Variants in PCDHA5 observed in about 807,000 individuals in gnomAD.
PCDHA5 encodes protocadherin alpha-5.
A neutral mutation model predicts 61.6 loss-of-function variants in PCDHA5; 43 were observed. That is an observed-to-expected ratio of 0.70 (90% CI 0.55 to 0.90). The LOEUF (loss-of-function observed/expected upper bound fraction) is 0.90. Among genes scored for constraint, PCDHA5 ranks in the 40% least tolerant of loss-of-function variants. The pLI is 0.00. For synonymous variants in PCDHA5, 627 were observed against 543.9 expected (o/e 1.15, Z -2.13); for missense variants, 1,298 against 1,222.7 (o/e 1.06, Z -0.92).
intron 1 of PCDHA5, among the ~76,000 whole-genome samples, chr5:140,943,803 G>A (rs1429767850): frequency 6.6e-6 from 1 of 152,214 alleles, no homozygotes; most frequent in Non-Finnish European, 1.5e-5. Flanking sequence ...AAGCAAAAGA[G>A]GAAAGTTTGA....
At chr5:140,899,814 G>A (rs1212568701) in intron 1 of PCDHA5, among the ~76,000 whole-genome samples, 8 of 152,012 alleles carry the variant, frequency 5.3e-5, no homozygotes, top group African/African-American at 7.2e-5. Flanking sequence ...ATTTTGTTTT[G>A]TTTTTCCTTT....
At position 140,853,431 on chromosome 5, in the gene PCDHA5, T is replaced by C; in HGVS notation, c.2352+29304T>C. 3.0e-6 allele frequency: 3 copies of C among 985,312 alleles called. No homozygotes were observed. In the African/African-American group the frequency reaches 5.3e-5, roughly 17 times the overall value. The allele number at this position is 985,312 out of a possible 1,614,324, so 61.0% of individuals were successfully genotyped here. On this transcript the variant is annotated intron_variant, in intron 1 of 3. Coordinates refer to ENST00000529859, the MANE Select transcript of PCDHA5 (RefSeq NM_018908.3). ...AGAGGTGAAAGCAGAAGAGACACTTTCCTATTTTGCCTAATAGGTCTCCTT... is the reference window on the plus strand; with the variant it reads ...AGAGGTGAAAGCAGAAGAGACACTTCCCTATTTTGCCTAATAGGTCTCCTT...
rs139214405 is a variant in PCDHA5, at chr5:140,927,269, C to A, written c.2353-51680C>A. The A allele has an allele frequency of 2.4e-5, 38 of 1,614,024 alleles. No individual in the cohort carries two copies. In the African/African-American group the frequency reaches 3.9e-4, roughly 16 times the overall value. On this transcript the variant is annotated intron_variant, in intron 1 of 3. Transcript: ENST00000529859. ...AATGACAACTCACCTCTCTTTCCTG[C>A]CGGCGACGTGCAGCTGCACATCCCC...
chr5:140,848,619 G>A (rs2150415128), intron 1 of PCDHA5: 2 of 1,593,396 alleles, frequency 1.3e-6, no homozygotes, highest in Admixed American at 1.7e-5. Context: ...AGCCGAACAC[G>A]GCACCTTCGT....
At chr5:140,882,811 C>T in intron 1 of PCDHA5, 2 of 1,614,192 alleles carry the variant, frequency 1.2e-6, no homozygotes, top group Non-Finnish European at 8.5e-7. Flanking sequence ...TCACTTTGGA[C>T]GCACAAAACA....
At chr5:140,925,382 C>A (rs2082461008) in intron 1 of PCDHA5, among the ~76,000 whole-genome samples, 1 of 152,078 alleles carries the variant, frequency 6.6e-6, no homozygotes, top group Non-Finnish European at 1.5e-5. Flanking sequence ...GTCAATGAGT[C>A]TCCTTTTGGC....
Position 141,012,299 on chromosome 5 carries a change from A to G in PCDHA5, c.*2362A>G, listed in dbSNP as rs1554263904. 1 of 153,754 alleles carries G rather than the reference A, an allele frequency of 6.5e-6. No homozygotes were observed. Among genetic ancestry groups the G allele is most frequent in the African/African-American group, 2.4e-5 (1 of 41,456 alleles). The allele number at this position is 153,754 out of a possible 1,614,324, so 9.5% of individuals were successfully genotyped here. A position where few individuals can be genotyped will look rare whatever the true frequency, so the allele number is the denominator to read the frequency against. ...TGTGGATTCATTTTGAATTGGTGCT[A>G]TTGGTATTTCCTCTGTTATTGCTAA... On this transcript the variant is annotated 3_prime_UTR_variant, in exon 4 of 4. Transcript: ENST00000529859.
At chr5:140,834,297 C>T (rs2150214922) in intron 1 of PCDHA5, 4 of 1,251,276 alleles carry the variant, frequency 3.2e-6, no homozygotes, top group African/African-American at 3.0e-5. Flanking sequence ...AATGGCCACA[C>T]ATCGAGATTG....
chr5:140,980,259 G>T (rs1200649581), intron 2 of PCDHA5, among the ~76,000 whole-genome samples: 1 of 152,192 alleles, frequency 6.6e-6, no homozygotes. Flanking sequence ...TAAAAGCATG[G>T]TTTACAGTAC....
intron 1 of PCDHA5, chr5:140,850,334 A>G (rs2041532425): frequency 6.3e-7 from 1 of 1,597,666 alleles, no homozygotes. Context: ...AGCTGCAGCC[A>G]GAAACGGCCA....
At chr5:140,911,030 C>A (rs995736934) in intron 1 of PCDHA5, among the ~76,000 whole-genome samples, 1 of 152,066 alleles carries the variant, frequency 6.6e-6, no homozygotes, top group East Asian at 1.9e-4. Context: ...AGTTATAGGT[C>A]TAGAAGCAAA....
chr5:140,935,765 A>G (rs1554210670), intron 1 of PCDHA5, among the ~76,000 whole-genome samples: 1 of 152,080 alleles, frequency 6.6e-6, no homozygotes, highest in Non-Finnish European at 1.5e-5. Flanking sequence ...ATTCTTCCCC[A>G]CTTTGAGTTT....
At position 140,877,676 on chromosome 5, in the gene PCDHA5, G is replaced by A. The variant is rs781985023; in HGVS notation, c.2352+53549G>A. ...CCCACCGTGAGCCGGTGCGCGCCGG[G>A]CAAGCCCACGCTGGTGTGCTCCAGC... On this transcript the variant is annotated intron_variant, in intron 1 of 3. Coordinates refer to ENST00000529859, the MANE Select transcript of PCDHA5 (RefSeq NM_018908.3). The A allele has an allele frequency of 8.7e-6, 14 of 1,613,488 alleles. No homozygotes were observed. The African/African-American group carries it at 1.2e-4, about 14-fold the overall frequency.
At chr5:140,878,103 G>A (rs2153358436) in intron 1 of PCDHA5, 1 of 261,846 alleles carries the variant, frequency 3.8e-6, no homozygotes, top group East Asian at 7.9e-5. Context: ...GATGAACCTT[G>A]AAAAAAACAG....
intron 1 of PCDHA5, among the ~76,000 whole-genome samples, chr5:140,879,016 G>A (rs2057813975): frequency 6.6e-6 from 1 of 152,188 alleles, no homozygotes; most frequent in African/African-American, 2.4e-5. Context: ...ATCAGATAAT[G>A]TTTTATTGAA....
chr5:140,968,209 C>G (rs781795931), intron 1 of PCDHA5: 5 of 1,614,002 alleles, frequency 3.1e-6, no homozygotes, highest in Non-Finnish European at 4.2e-6. Context: ...TACAGGAGAA[C>G]AATTTGCCAG....
rs1292162881 is a variant in PCDHA5, at chr5:140,830,633, C to A, written c.2352+6506C>A. 3 of 514,128 alleles carry A rather than the reference C, an allele frequency of 5.8e-6. No homozygotes were observed. The Admixed American group carries it at 1.2e-4, about 21-fold the overall frequency. The allele number at this position is 514,128 out of a possible 1,614,324, so 31.8% of individuals were successfully genotyped here. On this transcript the variant is annotated intron_variant, in intron 1 of 3. Transcript: ENST00000529859. ...ATTTTATTGTGTTTCTTATTTTAAT[C>A]TCTTTGCTTCTTTAATATTCATAAT...
rs1767212129 is a variant in PCDHA5 at position 140,822,156 on chromosome 5, C to T, written c.381C>T (p.Asp127=). The change falls in exon 1 of 4, where the codon GAC becomes GAT. Residue 127 remains aspartate (D), a synonymous_variant. Coordinates refer to ENST00000529859, the MANE Select transcript of PCDHA5 (RefSeq NM_018908.3). ...HVEVAVKDIN[D]NPPRFSRQEQ... is the part of the protein sequence containing the mutation. ...AGGTGGCAGTGAAGGACATCAATGA[C>T]AATCCGCCCAGGTTCTCCAGACAAG... 6.2e-7 allele frequency: 1 copy of T among 1,614,134 alleles called. No homozygotes were observed. Among genetic ancestry groups the T allele is most frequent in the African/African-American group, 1.3e-5 (1 of 74,948 alleles).
intron 3 of PCDHA5, among the ~76,000 whole-genome samples, chr5:140,983,433 G>A (rs1306046524): frequency 1.3e-5 from 2 of 152,208 alleles, no homozygotes; most frequent in African/African-American, 4.8e-5. Context: ...CACAAATTGT[G>A]TCTACTCTAA....
Sources: allele counts gnomAD v4.1 joint callset (sites outside exome capture counted in the v4.1 genomes callset), GRCh38; gene constraint gnomAD v4.1.1; transcripts MANE v1.5; gene names NCBI Gene and HGNC (gene_info 2026-07-23, HGNC 2026-07-21).